SLC35F4: variants seen among roughly 807,000 people sequenced by gnomAD.
SLC35F4 encodes solute carrier family 35 member F4.
A neutral mutation model predicts 44.2 loss-of-function variants in SLC35F4; 24 were observed. The observed-to-expected ratio is 0.54, with a 90% CI of 0.39 to 0.76. The LOEUF is 0.76. SLC35F4 is among the 30% of genes least tolerant of loss of function. The probability of loss-of-function intolerance (pLI) is 0.00; values close to 1 mark genes in which losing one functional copy is unlikely to be tolerated. For missense variants in SLC35F4, 562 were observed against 586.1 expected, an observed-to-expected ratio of 0.96 and a Z score of 0.42; for synonymous variants, 238 against 223.6, an observed-to-expected ratio of 1.06 and a Z score of -0.57.
At chr14:57,650,987 T>C (rs770453661) in intron 1 of SLC35F4, among the ~76,000 whole-genome samples, 1 of 152,188 alleles carries the variant, frequency 6.6e-6, no homozygotes, top group Non-Finnish European at 1.5e-5. Flanking sequence ...ACACCCTATC[T>C]AAAGTAGCTA....
At chr14:57,928,718 T>C (rs1482007161) in intron 1 of SLC35F4, among the ~76,000 whole-genome samples, 2 of 152,122 alleles carry the variant, frequency 1.3e-5, no homozygotes, top group Non-Finnish European at 2.9e-5. Flanking sequence ...AGAAAAGCAA[T>C]CAAAATGTGC....
intron 1 of SLC35F4, among the ~76,000 whole-genome samples, chr14:57,753,193 CT>C (rs1302900004): frequency 6.6e-6 from 1 of 152,184 alleles, no homozygotes; most frequent in African/African-American, 2.4e-5. Flanking sequence ...GTGGTGGTTT[CT>C]GCAAAGATGG....
intron 1 of SLC35F4, among the ~76,000 whole-genome samples, chr14:57,601,233 T>C (rs2070808800): frequency 6.6e-6 from 1 of 151,990 alleles, no homozygotes; most frequent in Admixed American, 6.6e-5. Context: ...ATGTATATTA[T>C]CTGAAAGCTA....
At chr14:57,669,605 T>C (rs1014373958) in intron 1 of SLC35F4, among the ~76,000 whole-genome samples, 12 of 152,272 alleles carry the variant, frequency 7.9e-5, no homozygotes, top group African/African-American at 2.9e-4. Context: ...GTTTTTGTCA[T>C]TGGTTCTGTT....
intron 1 of SLC35F4, among the ~76,000 whole-genome samples, chr14:57,834,737 AG>A (rs1884724900): frequency 6.6e-6 from 1 of 152,194 alleles, no homozygotes; most frequent in Non-Finnish European, 1.5e-5. Context: ...GAACCAAAAT[AG>A]GCCGGGCACA....
At chr14:57,969,799 A>G (rs1881001362) in intron 1 of SLC35F4, among the ~76,000 whole-genome samples, 1 of 152,124 alleles carries the variant, frequency 6.6e-6, no homozygotes, top group Non-Finnish European at 1.5e-5. Context: ...CTTCTTTTGA[A>G]TTATTTCCTT....
chr14:57,611,807 G>A (rs567939890), intron 1 of SLC35F4, among the ~76,000 whole-genome samples: 58 of 152,268 alleles, frequency 3.8e-4, no homozygotes, highest in African/African-American at 1.3e-3. Context: ...CATCAAAGTC[G>A]AGTGAAGTTA....
chr14:57,632,394 A>G (rs1019737462), intron 1 of SLC35F4, among the ~76,000 whole-genome samples: 1 of 152,126 alleles, frequency 6.6e-6, no homozygotes, highest in African/African-American at 2.4e-5. Flanking sequence ...AAAAGAGTAG[A>G]TGAGGAGTCA....
chr14:57,697,930 T>A (rs948988297), intron 1 of SLC35F4, among the ~76,000 whole-genome samples: 2 of 152,086 alleles, frequency 1.3e-5, no homozygotes, highest in Non-Finnish European at 2.9e-5. Context: ...AATAAATGAG[T>A]GCTTAAGACA....
intron 1 of SLC35F4, among the ~76,000 whole-genome samples, chr14:57,719,403 C>T (rs930019052): frequency 2.0e-5 from 3 of 152,088 alleles, no homozygotes; most frequent in African/African-American, 7.2e-5. Context: ...CTGTAGATTG[C>T]TTTGGGTAGT....
At chr14:57,751,672 A>G (rs1356952173) in intron 1 of SLC35F4, among the ~76,000 whole-genome samples, 1 of 152,210 alleles carries the variant, frequency 6.6e-6, no homozygotes, top group East Asian at 1.9e-4. Flanking sequence ...GATTGTGTAC[A>G]AAGAAAGCAA....
intron 1 of SLC35F4, among the ~76,000 whole-genome samples, chr14:57,629,274 A>C (rs916064361): frequency 4.6e-5 from 7 of 152,124 alleles, no homozygotes; most frequent in Non-Finnish European, 8.8e-5. Context: ...CCCCACATTC[A>C]AACAATGTTT....
At chr14:57,625,921 C>A (rs1397566559) in intron 1 of SLC35F4, among the ~76,000 whole-genome samples, 1 of 152,092 alleles carries the variant, frequency 6.6e-6, no homozygotes, top group Non-Finnish European at 1.5e-5. Flanking sequence ...TGGAACCAAC[C>A]CAAATGCCCA....
At chr14:57,648,968 C>T (rs2073665758) in intron 1 of SLC35F4, among the ~76,000 whole-genome samples, 2 of 152,004 alleles carry the variant, frequency 1.3e-5, no homozygotes, top group Non-Finnish European at 2.9e-5. Flanking sequence ...CTGGCCTCAT[C>T]TCTGTCCTTC....
chr14:57,909,402 T>C (rs780651888), intron 1 of SLC35F4, among the ~76,000 whole-genome samples: 2 of 152,100 alleles, frequency 1.3e-5, no homozygotes, highest in Non-Finnish European at 2.9e-5. Flanking sequence ...AATATGATAC[T>C]AAACAGTTTC....
chr14:57,805,683 C>T (rs1881235443), intron 1 of SLC35F4, among the ~76,000 whole-genome samples: 1 of 152,106 alleles, frequency 6.6e-6, no homozygotes, highest in Non-Finnish European at 1.5e-5. Context: ...GGGCTTAATA[C>T]TTAGGTGATG....
At chr14:57,658,266 GATATA>G (rs2074031720) in intron 1 of SLC35F4, among the ~76,000 whole-genome samples, 1 of 152,128 alleles carries the variant, frequency 6.6e-6, no homozygotes, top group Non-Finnish European at 1.5e-5. Flanking sequence ...AGTTAGCTAT[GATATA>G]ATATGAAATA....
rs922793713 is a variant in SLC35F4, at chr14:57,882,221, T to C, written n.282+99692A>G. On this transcript the variant is annotated intron_variant and non_coding_transcript_variant, in intron 1 of 1. Coordinates refer to the SLC35F4 transcript ENST00000556568. ...GAAACTACAGGAACTCCTGAGTCCC[T>C]TCCATTCCTAATTACACTGTGCCCC... Among the ~76,000 whole-genome samples the C allele has an allele frequency of 6.6e-5, 10 of 152,180 alleles. 1 individual carries two copies. Among genetic ancestry groups the C allele is most frequent in the African/African-American group, 2.4e-4 (10 of 41,446 alleles).
chr14:57,792,205 A>G (rs914034742), intron 1 of SLC35F4, among the ~76,000 whole-genome samples: 2 of 152,174 alleles, frequency 1.3e-5, no homozygotes, highest in African/African-American at 4.8e-5. Flanking sequence ...CAAAATGACA[A>G]TGCGATACTA....
Sources: allele counts gnomAD v4.1 joint callset (sites outside exome capture counted in the v4.1 genomes callset), GRCh38; gene constraint gnomAD v4.1.1; transcripts MANE v1.5; gene names NCBI Gene and HGNC (gene_info 2026-07-23, HGNC 2026-07-21).